Variants in ROBO2 observed in about 807,000 individuals in gnomAD.
ROBO2 encodes the protein roundabout guidance receptor 2, also known as roundabout homolog 2.
In ROBO2, 53 loss-of-function variants were observed where a neutral mutation model predicts 160.8. The ratio of observed to expected loss-of-function variants is 0.33; its 90% CI spans 0.26 to 0.41. ROBO2 has a LOEUF of 0.41. Among genes scored for constraint, ROBO2 ranks in the 10% least tolerant of loss-of-function variants. The pLI is 1.00. For missense variants in ROBO2, 1,577 were observed against 1,722.4 expected, an observed-to-expected ratio of 0.92 and a Z score of 1.49; for synonymous variants, 664 against 611.7, an observed-to-expected ratio of 1.09 and a Z score of -1.26.
chr3:76,407,514 G>A (rs1338362170), intron 2 of ROBO2, among the ~76,000 whole-genome samples: 2 of 151,826 alleles, frequency 1.3e-5, no homozygotes, highest in Non-Finnish European at 2.9e-5. Context: ...GCATAAAAAT[G>A]GGAAAAAATA....
chr3:77,542,592 A>G (rs2092518980), intron 6 of ROBO2, among the ~76,000 whole-genome samples: 1 of 152,206 alleles, frequency 6.6e-6, no homozygotes, highest in South Asian at 2.1e-4. Flanking sequence ...GGTCTTTAAA[A>G]TAATCCAGTA....
chr3:76,621,348 AGG>A (rs2089062625), intron 2 of ROBO2, among the ~76,000 whole-genome samples: 1 of 152,220 alleles, frequency 6.6e-6, no homozygotes, highest in Admixed American at 6.5e-5. Flanking sequence ...AGATCTCAGA[AGG>A]CTATACATTC....
At chr3:76,260,689 C>A (rs1397187099) in intron 2 of ROBO2, among the ~76,000 whole-genome samples, 1 of 151,994 alleles carries the variant, frequency 6.6e-6, no homozygotes, top group African/African-American at 2.4e-5. Flanking sequence ...TTATTTAATT[C>A]ATTAATTAAT....
Position 77,234,045 on chromosome 3 carries a change from T to C in ROBO2, c.388+135705T>C, listed in dbSNP as rs115901998. Among the ~76,000 whole-genome samples the C allele has an allele frequency of 4.2e-3, 641 of 152,332 alleles. 10 individuals are homozygous for C. The highest frequency in any genetic ancestry group is 0.014 in the Middle Eastern group (4 of 294). ...AATTAGTTCTGAGTTTGGCATTTGC[T>C]CTTTACAGCCTAACCAGGGAGTGGA... On this transcript the variant is annotated intron_variant, in intron 2 of 25. Transcript: ENST00000461745.
chr3:76,929,166 A>T (rs759888420), intron 2 of ROBO2, among the ~76,000 whole-genome samples: 4 of 152,204 alleles, frequency 2.6e-5, no homozygotes, highest in Non-Finnish European at 4.4e-5. Flanking sequence ...AGGCTGAGAC[A>T]GGAGAATCGC....
intron 2 of ROBO2, among the ~76,000 whole-genome samples, chr3:76,603,126 T>C (rs377701606): frequency 1.3e-5 from 2 of 151,234 alleles, no homozygotes; most frequent in South Asian, 4.2e-4. Context: ...GGTCAGGAGA[T>C]CGAGACCATC....
intron 2 of ROBO2, among the ~76,000 whole-genome samples, chr3:77,005,119 G>T (rs868447546): frequency 6.6e-6 from 1 of 152,054 alleles, no homozygotes; most frequent in Non-Finnish European, 1.5e-5. Flanking sequence ...CTTTACCTAC[G>T]CTTTTCTTCC....
chr3:76,758,653 C>T (rs2061124438), intron 2 of ROBO2, among the ~76,000 whole-genome samples: 1 of 151,796 alleles, frequency 6.6e-6, no homozygotes, highest in Admixed American at 6.6e-5. Flanking sequence ...TCCCACCTCT[C>T]TGTTGGGAAA....
At chr3:77,326,262 G>A (rs997807795) in intron 2 of ROBO2, among the ~76,000 whole-genome samples, 3 of 152,188 alleles carry the variant, frequency 2.0e-5, no homozygotes, top group Non-Finnish European at 4.4e-5. Context: ...GGAGTAGTGA[G>A]TAAATGTGGG....
intron 2 of ROBO2, among the ~76,000 whole-genome samples, chr3:76,506,432 C>T (rs2080802409): frequency 6.6e-6 from 1 of 152,120 alleles, no homozygotes; most frequent in Non-Finnish European, 1.5e-5. Context: ...ATGTATCCTT[C>T]GTTTTCTTGC....
chr3:76,194,624 A>G lies in ROBO2; in HGVS notation c.109+257022A>G, dbSNP rs911144991. On this transcript the variant is annotated intron_variant, in intron 2 of 26. Transcript: ENST00000487694. ...CTAATCAATACCTGACTTTAATGTG[A>G]TTTTTTTTTTTTTTTAGACGGAGTC... Among the ~76,000 whole-genome samples, 3 of 141,228 alleles carry G rather than the reference A, an allele frequency of 2.1e-5. No individual in the cohort carries two copies. In the Admixed American group the frequency reaches 2.2e-4, roughly 10 times the overall value. The allele number at this position is 141,228 out of a possible 152,430, so 92.7% of individuals were successfully genotyped here.
chr3:76,909,240 A>C (rs923599289), intron 2 of ROBO2, among the ~76,000 whole-genome samples: 1 of 152,166 alleles, frequency 6.6e-6, no homozygotes, highest in Non-Finnish European at 1.5e-5. Flanking sequence ...CTTTTGAGAC[A>C]TTGACCTTGT....
chr3:77,304,860 T>C (rs2062963980), intron 2 of ROBO2, among the ~76,000 whole-genome samples: 1 of 152,184 alleles, frequency 6.6e-6, no homozygotes, highest in Admixed American at 6.5e-5. Flanking sequence ...GTCTGTGACG[T>C]GTCAGTTAGG....
intron 2 of ROBO2, among the ~76,000 whole-genome samples, chr3:76,650,471 C>A (rs984120228): frequency 7.3e-6 from 1 of 136,950 alleles, no homozygotes; most frequent in East Asian, 2.1e-4. Flanking sequence ...GGAGTTTGTT[C>A]CTTCTTTCTC....
At position 76,529,722 on chromosome 3, in the gene ROBO2, C is replaced by T. The variant is rs148422512; in HGVS notation, c.110-568292C>T. Reference sequence around the variant, plus strand: ...ACTTGATCTTGATAATTTAAGATATCAGTGGGTTTCTAGAGTAAAGCATGT... The same window carrying T: ...ACTTGATCTTGATAATTTAAGATATTAGTGGGTTTCTAGAGTAAAGCATGT... On this transcript the variant is annotated intron_variant, in intron 2 of 26. Transcript: ENST00000487694. Among the ~76,000 whole-genome samples the T allele has an allele frequency of 3.9e-4, 59 of 152,240 alleles. No individual in the cohort carries two copies. In the East Asian group the frequency reaches 0.011, roughly 28 times the overall value.
chr3:77,646,782 A>G (rs1296792751), exon 26 of ROBO2: 1 of 152,426 alleles, frequency 6.6e-6, no homozygotes, highest in Non-Finnish European at 1.5e-5. Flanking sequence ...AAGTCTTAAG[A>G]CTGAATATGC....
intron 2 of ROBO2, among the ~76,000 whole-genome samples, chr3:76,547,022 CTA>C (rs2083146781): frequency 1.3e-5 from 2 of 151,900 alleles, no homozygotes; most frequent in African/African-American, 4.8e-5. Flanking sequence ...CTTAATTACT[CTA>C]GAGAGTCTTC....
At chr3:77,638,517 G>GTTAGTTT (rs754506447) in intron 24 of ROBO2, among the ~76,000 whole-genome samples, 21 of 152,072 alleles carry the variant, frequency 1.4e-4, no homozygotes, top group Non-Finnish European at 2.5e-4. Context: ...CTAACTACTG[G>GTTAGTTT]GGTGAGAAAG....
intron 6 of ROBO2, among the ~76,000 whole-genome samples, chr3:77,543,239 G>GA (rs971073052): frequency 1.3e-5 from 2 of 151,146 alleles, no homozygotes; most frequent in African/African-American, 2.4e-5. Context: ...TGTTTTCATT[G>GA]AAAAAAATCA....
Sources: allele counts gnomAD v4.1 joint callset (sites outside exome capture counted in the v4.1 genomes callset), GRCh38; gene constraint gnomAD v4.1.1; transcripts MANE v1.5; gene names NCBI Gene and HGNC (gene_info 2026-07-23, HGNC 2026-07-21).